MECOM: variants seen among roughly 807,000 people sequenced by gnomAD.
MECOM encodes the protein histone-lysine N-methyltransferase MECOM.
MECOM carries 13 observed loss-of-function variants against 116.3 expected under a neutral mutation model. That is an observed-to-expected ratio of 0.11 (90% confidence interval 0.07 to 0.18). MECOM has a LOEUF of 0.18. Ranked by LOEUF, MECOM falls within the 10% of genes least tolerant of loss-of-function variation. The probability of loss-of-function intolerance (pLI) is 1.00; values close to 1 mark genes in which losing one functional copy is unlikely to be tolerated. For missense variants in MECOM, 1,299 were observed against 1,509.0 expected (o/e 0.86, Z 2.31); for synonymous variants, 528 against 535.2 (o/e 0.99, Z 0.19).
intron 2 of MECOM, among the ~76,000 whole-genome samples, chr3:169,255,224 C>T (rs760679019): frequency 8.5e-5 from 13 of 152,086 alleles, no homozygotes; most frequent in South Asian, 2.1e-4. Context: ...GACACCGAGC[C>T]GGTACAGTAC....
At chr3:169,096,254 A>G (rs925441750) in intron 12 of MECOM, among the ~76,000 whole-genome samples, 10 of 150,564 alleles carry the variant, frequency 6.6e-5, no homozygotes, top group African/African-American at 2.4e-4. Context: ...AAAAAAGTTA[A>G]CTTTCTCCAA....
intron 2 of MECOM, among the ~76,000 whole-genome samples, chr3:169,310,279 T>C (rs1424909951): frequency 1.3e-5 from 2 of 152,336 alleles, no homozygotes; most frequent in East Asian, 3.9e-4. Flanking sequence ...TATATGTGAT[T>C]CATGTGTTAG....
chr3:169,250,309 C>G (rs1368045706), intron 2 of MECOM, among the ~76,000 whole-genome samples: 5 of 152,198 alleles, frequency 3.3e-5, no homozygotes, highest in Non-Finnish European at 7.3e-5. Flanking sequence ...TCGCATTGAA[C>G]ATGTAGCCCA....
chr3:169,299,595 C>G (rs572393603), intron 2 of MECOM, among the ~76,000 whole-genome samples: 2 of 152,206 alleles, frequency 1.3e-5, no homozygotes, highest in South Asian at 4.1e-4. Context: ...TCTCAAAGTC[C>G]CCTGAACCCG....
At chr3:169,568,335 A>G (rs1214838223) in intron 1 of MECOM, among the ~76,000 whole-genome samples, 2 of 151,878 alleles carry the variant, frequency 1.3e-5, no homozygotes, top group Admixed American at 6.6e-5. Flanking sequence ...GTTTTTTTTC[A>G]TACCCCAGTG....
intron 2 of MECOM, among the ~76,000 whole-genome samples, chr3:169,276,618 A>C (rs1759611578): frequency 6.6e-6 from 1 of 151,342 alleles, no homozygotes; most frequent in South Asian, 2.1e-4. Context: ...TAGAACCACA[A>C]CTCAATCTAT....
intron 1 of MECOM, among the ~76,000 whole-genome samples, chr3:169,538,535 A>G (rs1365114806): frequency 6.6e-6 from 1 of 152,204 alleles, no homozygotes; most frequent in Non-Finnish European, 1.5e-5. Context: ...ATATTTTTGA[A>G]ATCTCAAAAA....
chr3:169,519,932 TATGCCTGGCCA>T (rs1757154830), intron 1 of MECOM, among the ~76,000 whole-genome samples: 1 of 152,262 alleles, frequency 6.6e-6, no homozygotes, highest in Non-Finnish European at 1.5e-5. Flanking sequence ...GCACATGGCC[TATGCCTGGCCA>T]ATAGAAGCAT....
intron 2 of MECOM, among the ~76,000 whole-genome samples, chr3:169,157,983 T>C (rs1197493847): frequency 6.6e-6 from 1 of 152,196 alleles, no homozygotes; most frequent in African/African-American, 2.4e-5. Flanking sequence ...AGGAAGGTGA[T>C]TGAAATGACT....
intron 2 of MECOM, among the ~76,000 whole-genome samples, chr3:169,378,466 CAAGCAAGCAAGAAAGA>C (rs1316385067): frequency 0.013 from 596 of 44,870 alleles, 68 homozygotes; most frequent in African/African-American, 0.029. Flanking sequence ...AGCAAGCAAG[CAAGCAAGCAAGAAAGA>C]GAGAGAGAAA....
intron 2 of MECOM, among the ~76,000 whole-genome samples, chr3:169,226,674 A>G (rs1752764710): frequency 6.6e-6 from 1 of 152,210 alleles, no homozygotes; most frequent in Non-Finnish European, 1.5e-5. Flanking sequence ...ATGTAGATGT[A>G]TTCTCTTTGT....
chr3:169,209,039 C>G (rs137873348), intron 2 of MECOM, among the ~76,000 whole-genome samples: 96 of 152,206 alleles, frequency 6.3e-4, no homozygotes, highest in African/African-American at 2.2e-3. Flanking sequence ...AGAAATAACA[C>G]TACACATCTA....
intron 2 of MECOM, among the ~76,000 whole-genome samples, chr3:169,223,286 TCCCCCCA>T (rs1560012945): frequency 3.4e-5 from 1 of 29,198 alleles, no homozygotes; most frequent in African/African-American, 1.3e-4. Flanking sequence ...CCCTCCCCCC[TCCCCCCA>T]CCCCACAACA....
At chr3:169,506,406 T>C (rs983543406) in intron 1 of MECOM, among the ~76,000 whole-genome samples, 2 of 152,148 alleles carry the variant, frequency 1.3e-5, no homozygotes, top group African/African-American at 2.4e-5. Flanking sequence ...TAAAGAAATT[T>C]AGCGACTTTC....
chr3:169,190,242 T>C (rs1279407632), intron 2 of MECOM, among the ~76,000 whole-genome samples: 1 of 152,010 alleles, frequency 6.6e-6, no homozygotes, highest in Non-Finnish European at 1.5e-5. Flanking sequence ...GGACTCAAGG[T>C]ATTTTAAAAA....
At position 169,462,547 on chromosome 3, in the gene MECOM, CAT is replaced by C. The variant is rs66877142; in HGVS notation, c.38-81025_38-81024del. On this transcript the variant is annotated intron_variant, in intron 1 of 16. Coordinates refer to ENST00000651503, the MANE Select transcript of MECOM (RefSeq NM_004991.4). ...ATGTCCCATATGTGTTTCTTGAATT[CAT>C]ATGTTAGCACTCAAATCAGTTAATT... is the stretch of plus-strand genomic sequence containing the variant. Among the ~76,000 whole-genome samples, 1,519 of 152,236 alleles carry C rather than the reference CAT, an allele frequency of 1.0e-2. 22 individuals are homozygous for C. The highest frequency in any genetic ancestry group is 0.035 in the African/African-American group (1,461 of 41,552).
chr3:169,259,138 C>T (rs567284290), intron 2 of MECOM, among the ~76,000 whole-genome samples: 1 of 152,164 alleles, frequency 6.6e-6, no homozygotes, highest in East Asian at 1.9e-4. Context: ...ACAGACAACA[C>T]TATGTGGCCA....
At chr3:169,119,080 A>G (rs1328014356) in intron 7 of MECOM, among the ~76,000 whole-genome samples, 1 of 152,206 alleles carries the variant, frequency 6.6e-6, no homozygotes, top group Non-Finnish European at 1.5e-5. Flanking sequence ...TGTGGTTTCT[A>G]TTTGGGAAAG....
intron 1 of MECOM, among the ~76,000 whole-genome samples, chr3:169,412,511 G>T (rs1737723537): frequency 6.6e-6 from 1 of 151,904 alleles, no homozygotes; most frequent in South Asian, 2.1e-4. Flanking sequence ...CCAGACAAAT[G>T]CTCCTGAAAG....
Sources: gnomAD v4.1 joint callset for allele counts (sites outside exome capture counted in the v4.1 genomes callset) on GRCh38, gnomAD v4.1.1 for gene constraint, MANE v1.5 for transcripts, NCBI Gene and HGNC (gene_info 2026-07-23, HGNC 2026-07-21) for gene names.